ERBB2: variants seen among roughly 807,000 people sequenced by gnomAD.
The protein encoded by ERBB2 is erb-b2 receptor tyrosine kinase 2.
A neutral mutation model predicts 149.0 loss-of-function variants in ERBB2; 61 were observed. The ratio of observed to expected loss-of-function variants is 0.41; its 90% CI spans 0.33 to 0.51. The LOEUF is 0.51. Ranked by LOEUF, ERBB2 falls within the 20% of genes least tolerant of loss-of-function variation. The pLI is 0.25. For missense variants in ERBB2, 1,205 were observed against 1,655.1 expected (o/e 0.73, Z 4.72); for synonymous variants, 633 against 678.8 (o/e 0.93, Z 1.05).
intron 1 of ERBB2, among the ~76,000 whole-genome samples, chr17:39,702,547 T>G (rs939032877): frequency 6.6e-6 from 1 of 152,224 alleles, no homozygotes; most frequent in African/African-American, 2.4e-5. Context: ...TTTACTATAC[T>G]TGGGGAAAGT....
chr17:39,726,247 G>T lies in ERBB2; in HGVS notation c.2873-315G>T, dbSNP rs2059751375. 1 of 434,938 alleles carries T rather than the reference G, an allele frequency of 2.3e-6. No individual in the cohort carries two copies. Among genetic ancestry groups the T allele is most frequent in the Non-Finnish European group, 4.2e-6 (1 of 239,832 alleles). The allele number at this position is 434,938 out of a possible 1,614,324, so 26.9% of individuals were successfully genotyped here. A position where few individuals can be genotyped will look rare whatever the true frequency, so the allele number is the denominator to read the frequency against. Reference sequence around the variant, plus strand: ...TACTCAGGAGAGGCTGAGGCAGGAAGATCACTTGAGCCTAGTTTAAGGTTG... The same window carrying T: ...TACTCAGGAGAGGCTGAGGCAGGAATATCACTTGAGCCTAGTTTAAGGTTG... On this transcript the variant is annotated intron_variant, in intron 23 of 26. Coordinates refer to ENST00000269571, the MANE Select transcript of ERBB2 (RefSeq NM_004448.4). This position sits in a 1 kb window ranked among gnomAD's most constrained non-coding sequence, Gnocchi z 5.1.
At chr17:39,709,912 AG>A in intron 5 of ERBB2, 31 bp downstream of exon 5, 1 of 1,489,506 alleles carries the variant, frequency 6.7e-7, no homozygotes, top group East Asian at 2.3e-5. Flanking sequence ...GAGTCAGGGA[AG>A]GGGAGGGCTG....
intron 7 of ERBB2, among the ~76,000 whole-genome samples, chr17:39,710,974 A>G (rs1036118847): frequency 6.6e-6 from 1 of 152,196 alleles, no homozygotes; most frequent in South Asian, 2.1e-4. Flanking sequence ...ATCTCGGCTC[A>G]CTGCAACCTC....
In ERBB2 at chr17:39,727,414, G is replaced by A. The variant is rs2143245679; in HGVS notation, c.3279G>A (p.Gly1093=). 3 of 1,611,162 alleles carry A rather than the reference G, an allele frequency of 1.9e-6. No individual in the cohort carries two copies. The highest frequency in any genetic ancestry group is 2.2e-5 in the East Asian group (1 of 44,830). The change falls in exon 26 of 27, where the codon GGG becomes GGA. Residue 1093 remains glycine (G), a synonymous_variant. Transcript: ENST00000269571. The surrounding 1 kb of genome is among the most constrained non-coding windows in gnomAD (Gnocchi z 4.3). ...SDVFDGDLGM[G]AAKGLQSLPT... is the part of the protein sequence containing the mutation. ...TATTTGATGGTGACCTGGGAATGGG[G>A]GCAGCCAAGGGGCTGCAAAGCCTCC... is the stretch of plus-strand genomic sequence containing the variant.
At chr17:39,696,178 C>T (rs1187328318), upstream of ERBB2, among the ~76,000 whole-genome samples, 1 of 152,218 alleles carries the variant, frequency 6.6e-6, no homozygotes, top group Admixed American at 6.5e-5. Flanking sequence ...CCCTGCCCCC[C>T]TTCCTCTCCT....
rs139287906 is a variant in ERBB2, at chr17:39,715,619, C to T, written c.1313+83C>T. 324 of 1,543,452 alleles carry T rather than the reference C, an allele frequency of 2.1e-4. 2 individuals carry two copies. In the African/African-American group the frequency reaches 3.7e-3, roughly 18 times the overall value. On this transcript the variant is annotated intron_variant, in intron 11 of 26. Coordinates refer to ENST00000269571, the MANE Select transcript of ERBB2 (RefSeq NM_004448.4). ...GGGAAGCTTTGGGCCTGAGGGAGTACTCCTGTAGCAGTAACCTTTCCATGA... is the reference window on the plus strand; with the variant it reads ...GGGAAGCTTTGGGCCTGAGGGAGTATTCCTGTAGCAGTAACCTTTCCATGA...
chr17:39,722,795 A>T (rs989088037), intron 16 of ERBB2, among the ~76,000 whole-genome samples: 3 of 151,834 alleles, frequency 2.0e-5, no homozygotes, highest in Non-Finnish European at 2.9e-5. Context: ...AGCTCACTGC[A>T]ACCTCTTGTC....
At chr17:39,694,271 GTGTATA>G (rs1186509245), upstream of ERBB2, among the ~76,000 whole-genome samples, 2 of 26,654 alleles carry the variant, frequency 7.5e-5, no homozygotes, top group African/African-American at 2.1e-4. Context: ...ATATATATGT[GTGTATA>G]TATATATATA....
upstream of ERBB2, among the ~76,000 whole-genome samples, chr17:39,691,570 T>TAC (rs1443118857): frequency 7.9e-6 from 1 of 126,428 alleles, no homozygotes; most frequent in African/African-American, 4.1e-5. Flanking sequence ...TATATATATA[T>TAC]ATATACACAC....
chr17:39,712,909 ATCCCCTTTATGTGAGGC>A, intron 9 of ERBB2, among the ~76,000 whole-genome samples: 1 of 152,302 alleles, frequency 6.6e-6, no homozygotes, highest in East Asian at 1.9e-4. Flanking sequence ...ATACTGTCTG[ATCCCCTTTATGTGAGGC>A]TCTGAACCGA....
intron 2 of ERBB2, 109 bp downstream of exon 2, chr17:39,707,250 T>A: frequency 1.0e-6 from 1 of 985,672 alleles, no homozygotes; most frequent in South Asian, 2.1e-5. Flanking sequence ...TCCTCTCTTG[T>A]TGTGGTTTCT....
rs141086703 is a variant in ERBB2, at chr17:39,709,400, C to T, written c.522C>T (p.His174=). ...QDTILWKDIF[H]KNNQLALTLI... ...CGATTTTGTGGAAGGACATCTTCCACAAGAACAACCAGCTGGCTCTCACAC... is the reference window on the plus strand; with the variant it reads ...CGATTTTGTGGAAGGACATCTTCCATAAGAACAACCAGCTGGCTCTCACAC... The change falls in exon 4 of 27, where the codon CAC becomes CAT. Residue 174 remains histidine, a synonymous_variant. Transcript: ENST00000269571. 1.1e-5 allele frequency: 18 copies of T among 1,613,934 alleles called. No homozygotes were observed. Among genetic ancestry groups the T allele is most frequent in the Non-Finnish European group, 1.4e-5 (17 of 1,179,974 alleles).
At position 39,723,876 on chromosome 17, in the gene ERBB2, C is replaced by G; in HGVS notation, c.2209-36C>G. The G allele has an allele frequency of 6.4e-7, 1 of 1,570,272 alleles. No homozygotes were observed. The highest frequency in any genetic ancestry group is 8.8e-7 in the Non-Finnish European group (1 of 1,140,756). The stretch of plus-strand genomic sequence containing the variant: ...TGGAAGGCAGGTAGGATCCAGCCCA[C>G]GCTCTTCTCACTCATATCCTCCTCT... On this transcript the variant is annotated intron_variant, in intron 18 of 26. Transcript: ENST00000269571. The surrounding 1 kb of genome is among the most constrained non-coding windows in gnomAD (Gnocchi z 6.2).
In ERBB2 at chr17:39,724,882, C is replaced by G. The variant is rs1415919006; in HGVS notation, c.2464C>G (p.Leu822Val). Residue 822 changes from leucine to valine, a missense_variant, in exon 20 of 27, where the codon CTG becomes GTG. This residue lies in a region of ERBB2 where 152 missense variants were observed against 318.1 expected (regional missense o/e 0.48). Coordinates refer to ENST00000269571, the MANE Select transcript of ERBB2 (RefSeq NM_004448.4). ...ENRGRLGSQD[L>V]LNWCMQIAKG... ...CCGCGGACGCCTGGGCTCCCAGGAC[C>G]TGCTGAACTGGTGTATGCAGATTGC... is the stretch of plus-strand genomic sequence containing the variant. 6.2e-7 allele frequency: 1 copy of G among 1,614,214 alleles called. No homozygotes were observed. Among genetic ancestry groups the G allele is most frequent in the Admixed American group, 1.7e-5 (1 of 60,016 alleles).
intron 1 of ERBB2, among the ~76,000 whole-genome samples, chr17:39,702,352 G>T (rs1001678666): frequency 2.0e-5 from 3 of 152,204 alleles, no homozygotes; most frequent in African/African-American, 7.2e-5. Flanking sequence ...TACCCAAGGG[G>T]TGAGGTCTGG....
upstream of ERBB2, among the ~76,000 whole-genome samples, chr17:39,692,195 A>G (rs1411444666): frequency 2.0e-5 from 3 of 151,818 alleles, no homozygotes; most frequent in Non-Finnish European, 4.4e-5. Flanking sequence ...GCAGAACAAA[A>G]TATGTGTGTG....
At chr17:39,722,059 C>T (rs763179942) in intron 16 of ERBB2, among the ~76,000 whole-genome samples, 26 of 152,256 alleles carry the variant, frequency 1.7e-4, no homozygotes, top group Non-Finnish European at 3.2e-4. Flanking sequence ...GCTGGGATTA[C>T]AGGCAGGCAC....
chr17:39,717,639 ATAAAT>A (rs1331172129), intron 15 of ERBB2, 159 bp downstream of exon 15: 7 of 603,228 alleles, frequency 1.2e-5, no homozygotes, highest in African/African-American at 9.3e-5. Flanking sequence ...AACATGAAAT[ATAAAT>A]TAATGCCCTA....
At chr17:39,713,797 T>G (rs1213695947) in intron 9 of ERBB2, among the ~76,000 whole-genome samples, 1 of 149,278 alleles carries the variant, frequency 6.7e-6, no homozygotes, top group Non-Finnish European at 1.5e-5. Flanking sequence ...GGTGCACACC[T>G]GTAATCCCAG....
Sources: allele counts gnomAD v4.1 joint callset (sites outside exome capture counted in the v4.1 genomes callset), GRCh38; gene constraint gnomAD v4.1.1; regional missense constraint gnomAD v4.1.1; non-coding constraint Gnocchi (gnomAD v3.1); transcripts MANE v1.5; gene names NCBI Gene and HGNC (gene_info 2026-07-23, HGNC 2026-07-21).